STARD13: variants seen among roughly 807,000 people sequenced by gnomAD.
STARD13 encodes StAR related lipid transfer domain containing 13, also known as stAR-related lipid transfer protein 13.
In STARD13, 62 loss-of-function variants were observed where a neutral mutation model predicts 106.4. That is an observed-to-expected ratio of 0.58 (90% confidence interval 0.48 to 0.72). STARD13 has a LOEUF of 0.72. Among genes scored for constraint, STARD13 ranks in the 30% least tolerant of loss-of-function variants. The pLI is 0.00. For missense variants in STARD13, 1,387 were observed against 1,424.0 expected (o/e 0.97, Z 0.42); for synonymous variants, 565 against 553.0 (o/e 1.02, Z -0.31).
At chr13:33,581,513 T>C in the STARD13 span, among the ~76,000 whole-genome samples, 1,482 of 152,328 alleles carry the variant, frequency 9.7e-3, 21 homozygotes, top group African/African-American at 0.034. Context: ...CAGTAGGATT[T>C]TATTTCTGTT....
exon 1 of STARD13, chr13:33,350,334 G>C: frequency 6.5e-7 from 1 of 1,534,602 alleles, no homozygotes; most frequent in Non-Finnish European, 8.7e-7. Context: ...CAGATCCCAG[G>C]CTCTGGCCGT....
chr13:33,487,177 T>C, the STARD13 span, among the ~76,000 whole-genome samples: 2 of 152,218 alleles, frequency 1.3e-5, no homozygotes, highest in East Asian at 3.8e-4. Context: ...GAAGATCAAA[T>C]GAAATCATCC....
the STARD13 span, among the ~76,000 whole-genome samples, chr13:33,419,839 T>A: frequency 6.6e-6 from 1 of 152,190 alleles, no homozygotes; most frequent in African/African-American, 2.4e-5. Flanking sequence ...ACCCAGAATG[T>A]CATATCCAGC....
At chr13:33,585,855 A>G in the STARD13 span, among the ~76,000 whole-genome samples, 1 of 152,208 alleles carries the variant, frequency 6.6e-6, no homozygotes, top group Non-Finnish European at 1.5e-5. Context: ...ATATTGTATG[A>G]TTTCACTCAT....
the STARD13 span, among the ~76,000 whole-genome samples, chr13:33,363,055 C>A: frequency 6.6e-6 from 1 of 152,222 alleles, no homozygotes; most frequent in Non-Finnish European, 1.5e-5. Context: ...CTCCACTTCA[C>A]CCATCTACTC....
the STARD13 span, among the ~76,000 whole-genome samples, chr13:33,673,314 G>A: frequency 1.3e-5 from 2 of 152,084 alleles, no homozygotes; most frequent in Admixed American, 6.6e-5. Context: ...AGGGCTGTGA[G>A]TACTGCTTGG....
intron 1 of STARD13, among the ~76,000 whole-genome samples, chr13:33,187,852 T>A (rs1315586186): frequency 6.6e-6 from 1 of 152,054 alleles, no homozygotes; most frequent in Admixed American, 6.6e-5. Context: ...CCAGCTAATT[T>A]TTGTATTTTT....
chr13:33,549,873 T>C, the STARD13 span, among the ~76,000 whole-genome samples: 1 of 152,108 alleles, frequency 6.6e-6, no homozygotes, highest in Non-Finnish European at 1.5e-5. Flanking sequence ...AGCCCAGAGG[T>C]TGTGCCAGGC....
At chr13:33,239,042 C>G (rs540356528) in intron 1 of STARD13, among the ~76,000 whole-genome samples, 2 of 151,964 alleles carry the variant, frequency 1.3e-5, no homozygotes, top group East Asian at 1.9e-4. Flanking sequence ...CCCCCTCCCC[C>G]CCAGCCACTG....
chr13:33,545,145 A>G, the STARD13 span, among the ~76,000 whole-genome samples: 7 of 151,972 alleles, frequency 4.6e-5, no homozygotes, highest in Admixed American at 2.0e-4. Flanking sequence ...TCCTTAGTAG[A>G]GATCAGTTTT....
intron 1 of STARD13, among the ~76,000 whole-genome samples, chr13:33,252,083 C>A (rs1330493532): frequency 6.6e-6 from 1 of 152,208 alleles, no homozygotes. Context: ...ATATTTCCTA[C>A]ATGATAAATG....
At chr13:33,671,162 CCT>C in the STARD13 span, among the ~76,000 whole-genome samples, 40 of 152,162 alleles carry the variant, frequency 2.6e-4, no homozygotes, top group African/African-American at 9.6e-4. Context: ...GCTGGTTATT[CCT>C]ATTAGGCATT....
the STARD13 span, among the ~76,000 whole-genome samples, chr13:33,415,867 G>A: frequency 2.1e-4 from 32 of 152,324 alleles, no homozygotes; most frequent in South Asian, 6.6e-3. Context: ...CTGTAAGATA[G>A]ATTAGAAAAG....
chr13:33,112,896 C>A lies in STARD13; in HGVS notation c.2317G>T (p.Ala773Ser). The stretch of plus-strand genomic sequence containing the variant: ...TCATCGGCCAGTAGCAGGATGGCAG[C>A]CTGCACGGCCTGCAGCCGCTGCTCT... Reference protein sequence around the residue: ...SKEQRLQAVQAAILLLADENR... With the variant: ...SKEQRLQAVQSAILLLADENR... The change falls in exon 9 of 14, where the codon GCT (alanine) becomes TCT (serine). Residue 773 changes from alanine (A) to serine (S), a missense_variant. Transcript: ENST00000336934. 1 of 1,612,530 alleles carries A rather than the reference C, an allele frequency of 6.2e-7. No individual in the cohort carries two copies. The highest frequency in any genetic ancestry group is 8.5e-7 in the Non-Finnish European group (1 of 1,179,388).
chr13:33,436,300 G>T, the STARD13 span, among the ~76,000 whole-genome samples: 1 of 152,136 alleles, frequency 6.6e-6, no homozygotes, highest in Non-Finnish European at 1.5e-5. Context: ...TGAATAGTAT[G>T]TTGTGCACTA....
the STARD13 span, among the ~76,000 whole-genome samples, chr13:33,605,529 A>C: frequency 6.6e-6 from 1 of 152,068 alleles, no homozygotes; most frequent in Non-Finnish European, 1.5e-5. Context: ...AACAACAACA[A>C]CAAAAAAATG....
intron 1 of STARD13, chr13:33,206,036 T>C (rs974118081): frequency 9.1e-6 from 9 of 985,264 alleles, no homozygotes; most frequent in Middle Eastern, 5.2e-4. Flanking sequence ...GCCTGATCAA[T>C]GGTGTGCCTG....
At chr13:33,644,580 G>A in the STARD13 span, among the ~76,000 whole-genome samples, 14 of 152,314 alleles carry the variant, frequency 9.2e-5, no homozygotes, top group African/African-American at 3.4e-4. Flanking sequence ...GAGAGGCAGA[G>A]AGAGTTGAAG....
the STARD13 span, among the ~76,000 whole-genome samples, chr13:33,407,100 G>A: frequency 6.6e-6 from 1 of 152,160 alleles, no homozygotes; most frequent in Admixed American, 6.5e-5. Flanking sequence ...CAATGTAAAA[G>A]TTTAGCCAGT....
Sources: allele counts gnomAD v4.1 joint callset (sites outside exome capture counted in the v4.1 genomes callset), GRCh38; gene constraint gnomAD v4.1.1; transcripts MANE v1.5; gene names NCBI Gene and HGNC (gene_info 2026-07-23, HGNC 2026-07-21).